CMSS1: variants seen among roughly 807,000 people sequenced by gnomAD.
The protein encoded by CMSS1 is protein CMSS1.
A neutral mutation model predicts 43.5 loss-of-function variants in CMSS1; 33 were observed. That is an observed-to-expected ratio of 0.76 (90% CI 0.57 to 1.01). The LOEUF is 1.01. Ranked by LOEUF, CMSS1 falls within the 50% of genes least tolerant of loss-of-function variation. The pLI, the probability that CMSS1 is intolerant of heterozygous loss-of-function variation, is 0.00. For synonymous variants in CMSS1, 115 were observed against 117.2 expected (o/e 0.98, Z 0.12); for missense variants, 313 against 326.4 (o/e 0.96, Z 0.32).
Position 99,940,804 on chromosome 3 carries a change from T to G in CMSS1, c.64+122761T>G, listed in dbSNP as rs955101178. On this transcript the variant is annotated intron_variant, in intron 1 of 9. Transcript: ENST00000421999. Reference sequence around the variant, plus strand: ...TCTTGCCTAGGCCAACCCAGCCTAATAAGGACCTTGAGGTAAACAGGTGAT... The same window carrying G: ...TCTTGCCTAGGCCAACCCAGCCTAAGAAGGACCTTGAGGTAAACAGGTGAT... Among the ~76,000 whole-genome samples, 21 of 152,254 alleles carry G rather than the reference T, an allele frequency of 1.4e-4. 1 individual carries two copies. Among genetic ancestry groups the G allele is most frequent in the African/African-American group, 4.6e-4 (19 of 41,474 alleles).
intron 3 of CMSS1, among the ~76,000 whole-genome samples, chr3:100,161,257 CAT>C (rs527695239): frequency 2.6e-5 from 4 of 152,150 alleles, no homozygotes; most frequent in Non-Finnish European, 5.9e-5. Context: ...AGTGTGTGTG[CAT>C]ATGTTTTCTT....
intron 1 of CMSS1, among the ~76,000 whole-genome samples, chr3:100,105,982 G>A (rs931975797): frequency 6.6e-6 from 1 of 152,096 alleles, no homozygotes; most frequent in African/African-American, 2.4e-5. Context: ...ACCATCAGAT[G>A]GTGTGGACAG....
At chr3:100,142,452 T>G (rs1282039199) in intron 1 of CMSS1, among the ~76,000 whole-genome samples, 2 of 152,240 alleles carry the variant, frequency 1.3e-5, no homozygotes, top group Non-Finnish European at 2.9e-5. Flanking sequence ...CAGGAGAATG[T>G]ACATAGGTTG....
intron 1 of CMSS1, among the ~76,000 whole-genome samples, chr3:99,907,019 A>T (rs188488616): frequency 6.6e-6 from 1 of 152,338 alleles, no homozygotes; most frequent in East Asian, 1.9e-4. Flanking sequence ...TAGATAATTT[A>T]AAACTTGTTT....
intron 1 of CMSS1, chr3:99,930,038 A>G (rs760328433): frequency 2.5e-6 from 4 of 1,590,812 alleles, no homozygotes; most frequent in Non-Finnish European, 3.4e-6. Flanking sequence ...GCCTGTAGGA[A>G]CAAAAAGTAT....
intron 1 of CMSS1, among the ~76,000 whole-genome samples, chr3:99,939,335 C>T (rs901057349): frequency 1.2e-4 from 19 of 152,288 alleles, no homozygotes; most frequent in Non-Finnish European, 2.6e-4. Context: ...GTTCTGCCTC[C>T]AGAACTAAAG....
intron 1 of CMSS1, among the ~76,000 whole-genome samples, chr3:99,862,747 T>C (rs1280110113): frequency 6.6e-6 from 1 of 152,202 alleles, no homozygotes; most frequent in Non-Finnish European, 1.5e-5. Flanking sequence ...GTGTTCGTTG[T>C]CTCTGGCCTG....
chr3:100,167,692 C>T, intron 5 of CMSS1, 46 bp from the exon 6 acceptor site: 1 of 1,269,806 alleles, frequency 7.9e-7, no homozygotes. Flanking sequence ...GAGGTGTGCC[C>T]TGTTTTGCCA....
intron 3 of CMSS1, among the ~76,000 whole-genome samples, chr3:100,161,762 G>A (rs2107526629): frequency 6.6e-6 from 1 of 152,190 alleles, no homozygotes; most frequent in South Asian, 2.1e-4. Flanking sequence ...TTTCTACTTT[G>A]CATAGGGCCA....
At chr3:100,089,573 A>G (rs2107428616) in intron 1 of CMSS1, among the ~76,000 whole-genome samples, 1 of 152,336 alleles carries the variant, frequency 6.6e-6, no homozygotes, top group East Asian at 1.9e-4. Context: ...CATTTCTAAA[A>G]CTGAACAATT....
Position 99,972,109 on chromosome 3 carries a change from G to A in CMSS1, c.64+154066G>A, listed in dbSNP as rs115064012. On this transcript the variant is annotated intron_variant, in intron 1 of 9. Transcript: ENST00000421999. Reference sequence around the variant, plus strand: ...AGGAACCTGGTTCTGACAGATATAAGGTAGTGATATTGCAGACATATAAAA... The same window carrying A: ...AGGAACCTGGTTCTGACAGATATAAAGTAGTGATATTGCAGACATATAAAA... Among the ~76,000 whole-genome samples the A allele has an allele frequency of 9.7e-3, 1,472 of 152,306 alleles. 26 individuals are homozygous for A. Among genetic ancestry groups the A allele is most frequent in the African/African-American group, 0.034 (1,416 of 41,568 alleles).
At chr3:99,973,401 T>G (rs979816289) in intron 1 of CMSS1, among the ~76,000 whole-genome samples, 1 of 152,218 alleles carries the variant, frequency 6.6e-6, no homozygotes, top group Non-Finnish European at 1.5e-5. Flanking sequence ...GATCATTAAT[T>G]CAATCCTCTT....
intron 1 of CMSS1, among the ~76,000 whole-genome samples, chr3:99,865,718 A>C (rs747410457): frequency 9.2e-5 from 14 of 152,054 alleles, no homozygotes; most frequent in Non-Finnish European, 1.9e-4. Context: ...TTTAACAGGC[A>C]GCCATTTCTC....
chr3:100,172,493 A>G (rs917737690), intron 8 of CMSS1, 90 bp downstream of exon 8: 13 of 943,386 alleles, frequency 1.4e-5, no homozygotes, highest in Middle Eastern at 2.2e-4. Context: ...CAGGATATAC[A>G]AAAACCAGAC....
chr3:100,049,395 T>TA (rs1383457799), intron 1 of CMSS1, among the ~76,000 whole-genome samples: 1 of 152,350 alleles, frequency 6.6e-6, no homozygotes, highest in African/African-American at 2.4e-5. Context: ...GAGAGCTTTT[T>TA]AAAAAATCAC....
intron 1 of CMSS1, among the ~76,000 whole-genome samples, chr3:100,045,470 G>A (rs941153616): frequency 2.0e-5 from 3 of 152,222 alleles, no homozygotes; most frequent in Middle Eastern, 3.4e-3. Context: ...TCATTGTGCT[G>A]CTGTGTTAGA....
At chr3:100,061,553 A>G (rs2065566856) in intron 1 of CMSS1, among the ~76,000 whole-genome samples, 1 of 152,260 alleles carries the variant, frequency 6.6e-6, no homozygotes, top group Non-Finnish European at 1.5e-5. Flanking sequence ...AAGAAGATGG[A>G]ACTTTTTTAA....
At chr3:100,170,911 A>G (rs985990273) in intron 6 of CMSS1, among the ~76,000 whole-genome samples, 2 of 152,214 alleles carry the variant, frequency 1.3e-5, no homozygotes, top group African/African-American at 2.4e-5. Context: ...TTTGGCACCT[A>G]AAAAATTTGT....
intron 1 of CMSS1, among the ~76,000 whole-genome samples, chr3:100,091,680 G>A (rs1170091457): frequency 6.6e-6 from 1 of 152,172 alleles, no homozygotes; most frequent in African/African-American, 2.4e-5. Context: ...CCAAATTCCT[G>A]TTTCTGCCAT....
Sources: gnomAD v4.1 joint callset for allele counts (sites outside exome capture counted in the v4.1 genomes callset) on GRCh38, gnomAD v4.1.1 for gene constraint, MANE v1.5 for transcripts, NCBI Gene and HGNC (gene_info 2026-07-23, HGNC 2026-07-21) for gene names.